Variants in APBA1 observed in about 807,000 individuals in gnomAD.
The protein encoded by APBA1 is amyloid beta precursor protein binding family A member 1.
Under a neutral mutation model 86.6 loss-of-function variants are expected in APBA1, and 55 were observed. That is an observed-to-expected ratio of 0.64 (90% CI 0.51 to 0.80). The LOEUF is 0.80. Among genes scored for constraint, APBA1 ranks in the 30% least tolerant of loss-of-function variants. The probability of loss-of-function intolerance (pLI) is 0.00; values close to 1 mark genes in which losing one functional copy is unlikely to be tolerated. For missense variants in APBA1, 1,090 were observed against 1,183.0 expected (o/e 0.92, Z 1.15); for synonymous variants, 511 against 493.9 (o/e 1.03, Z -0.46).
Position 69,556,019 on chromosome 9 carries a change from G to GAA in APBA1, c.-69-38742_-69-38741dup, listed in dbSNP as rs1331436165. 2.8e-4 allele frequency among the ~76,000 whole-genome samples: 43 copies of GAA among 151,124 alleles called. 1 individual carries two copies. Among genetic ancestry groups the GAA allele is most frequent in the Non-Finnish European group, 7.4e-5 (5 of 67,708 alleles). On this transcript the variant is annotated intron_variant, in intron 1 of 12. Coordinates refer to ENST00000265381, the MANE Select transcript of APBA1 (RefSeq NM_001163.4). ...GAAGCAGTTAAGTGGCAACAACAAA[G>GAA]AAAAAAAACAAAAACCAAACCACTT...
Position 69,516,331 on chromosome 9 carries a change from G to A in APBA1, c.880C>T (p.Pro294Ser). ...QSLDKAAEDM[P>S]EAEQDLERPP... is the part of the protein sequence containing the mutation. Reference sequence around the variant, plus strand: ...CGCTCCAGGTCCTGCTCGGCCTCAGGCATGTCCTCGGCTGCCTTGTCGAGG... The same window carrying A: ...CGCTCCAGGTCCTGCTCGGCCTCAGACATGTCCTCGGCTGCCTTGTCGAGG... Residue 294 changes from proline to serine, a missense_variant, in exon 2 of 13, where the codon CCT becomes TCT. Physicochemically the swap from Pro to Ser is moderately conservative, Grantham distance 74. Transcript: ENST00000265381. The surrounding 1 kb of genome is among the most constrained non-coding windows in gnomAD (Gnocchi z 7.3). 3 of 1,593,754 alleles carry A rather than the reference G, an allele frequency of 1.9e-6. No individual in the cohort carries two copies. The highest frequency in any genetic ancestry group is 1.7e-6 in the Non-Finnish European group (2 of 1,176,088).
chr9:69,464,553 T>A (rs1835245368), intron 5 of APBA1: 1 of 152,202 alleles, frequency 6.6e-6, no homozygotes, highest in Admixed American at 6.5e-5. Flanking sequence ...GCCATCTAAT[T>A]TTTGATTCAA....
At chr9:69,648,204 G>T (rs531519609) in intron 1 of APBA1, among the ~76,000 whole-genome samples, 1 of 152,224 alleles carries the variant, frequency 6.6e-6, no homozygotes, top group African/African-American at 2.4e-5. Context: ...ACCAAGAGCA[G>T]TGTCCTTGGG....
chr9:69,589,595 G>C (rs1378050542), intron 1 of APBA1, among the ~76,000 whole-genome samples: 2 of 152,130 alleles, frequency 1.3e-5, no homozygotes, highest in Non-Finnish European at 2.9e-5. Context: ...ATCTCATTTA[G>C]CCCATGGTTT....
At position 69,476,041 on chromosome 9, in the gene APBA1, A is replaced by G. The variant is rs1490824466; in HGVS notation, c.1296+7T>C. 6.2e-7 allele frequency: 1 copy of G among 1,612,490 alleles called. No homozygotes were observed. Among genetic ancestry groups the G allele is most frequent in the Non-Finnish European group, 8.5e-7 (1 of 1,178,612 alleles). On this transcript the variant is annotated splice_region_variant and intron_variant, in intron 3 of 12. Transcript: ENST00000265381. ...CCAATGGCTTTGGTAACAAAACAGC[A>G]CCCTACCTCTTTATTAGTGGACGCT...
intron 1 of APBA1, among the ~76,000 whole-genome samples, chr9:69,665,184 G>T (rs1212237567): frequency 6.6e-6 from 1 of 152,180 alleles, no homozygotes; most frequent in Non-Finnish European, 1.5e-5. Flanking sequence ...TTTCTCCACT[G>T]CTTGGTGGAC....
chr9:69,603,943 T>G (rs1822406740), intron 1 of APBA1, among the ~76,000 whole-genome samples: 1 of 152,210 alleles, frequency 6.6e-6, no homozygotes, highest in Non-Finnish European at 1.5e-5. Context: ...GATCAGATAC[T>G]GCAATATTAC....
intron 1 of APBA1, among the ~76,000 whole-genome samples, chr9:69,651,472 G>A (rs1823499490): frequency 6.6e-6 from 1 of 152,002 alleles, no homozygotes; most frequent in African/African-American, 2.4e-5. Context: ...AATAATGACT[G>A]ACTGTATTTT....
intron 1 of APBA1, among the ~76,000 whole-genome samples, chr9:69,540,964 T>A (rs558093659): frequency 6.6e-6 from 1 of 152,370 alleles, no homozygotes; most frequent in Non-Finnish European, 1.5e-5. Context: ...TTTCTGTGAC[T>A]AGCTTATTTC....
At chr9:69,575,901 A>T (rs1449777625) in intron 1 of APBA1, among the ~76,000 whole-genome samples, 1 of 152,362 alleles carries the variant, frequency 6.6e-6, no homozygotes, top group African/African-American at 2.4e-5. Context: ...AAAAGAAATT[A>T]CCATCAGAGT....
chr9:69,558,684 G>A lies in APBA1; in HGVS notation c.-69-41405C>T, dbSNP rs978340969. 1.1e-4 allele frequency among the ~76,000 whole-genome samples: 16 copies of A among 151,550 alleles called. No individual in the cohort carries two copies. The South Asian group carries it at 1.3e-3, about 12-fold the overall frequency. ...AGGGGCTCGTTGTACAGATTATTTC[G>A]TCACCCAGATGTTATGCCTAGTACC... is the stretch of plus-strand genomic sequence containing the variant. On this transcript the variant is annotated intron_variant, in intron 1 of 12. Coordinates refer to ENST00000265381, the MANE Select transcript of APBA1 (RefSeq NM_001163.4).
intron 1 of APBA1, among the ~76,000 whole-genome samples, chr9:69,596,396 G>T (rs1299342036): frequency 6.6e-6 from 1 of 152,090 alleles, no homozygotes; most frequent in Non-Finnish European, 1.5e-5. Context: ...ATTTATCTGT[G>T]TATTCATTAT....
chr9:69,516,695 G>C lies in APBA1; in HGVS notation c.516C>G (p.His172Gln), dbSNP rs765672535. The C allele has an allele frequency of 6.2e-7, 1 of 1,610,880 alleles. No homozygotes were observed. The highest frequency in any genetic ancestry group is 8.5e-7 in the Non-Finnish European group (1 of 1,179,120). The change falls in exon 2 of 13, where the codon CAC becomes CAG. Residue 172 changes from histidine to glutamine, a missense_variant. His to Gln is a conservative substitution (Grantham distance 24). Around this residue, in one of 6 missense-constraint regions of APBA1, gnomAD observed 678 missense variants for 647.1 expected, o/e 1.05. Coordinates refer to ENST00000265381, the MANE Select transcript of APBA1 (RefSeq NM_001163.4). The surrounding 1 kb of genome is among the most constrained non-coding windows in gnomAD (Gnocchi z 7.3). ...CGTCCTCACCGCGGTGGAAGAGCCG[G>C]TGCGTGTAGACGTAGCCTGAGTAGG... Reference protein sequence around the residue: ...NAAYSGYVYTHRLFHRGEDEP... With the variant: ...NAAYSGYVYTQRLFHRGEDEP...
At chr9:69,524,801 A>G (rs1030551340) in intron 1 of APBA1, among the ~76,000 whole-genome samples, 27 of 152,172 alleles carry the variant, frequency 1.8e-4, no homozygotes, top group African/African-American at 6.3e-4. Context: ...CTAGAGACCA[A>G]TATCCTTGAC....
chr9:69,617,209 T>G (rs1822718005), intron 1 of APBA1, among the ~76,000 whole-genome samples: 1 of 152,102 alleles, frequency 6.6e-6, no homozygotes, highest in South Asian at 2.1e-4. Flanking sequence ...TTCCTTCACT[T>G]CCCTGAATAT....
chr9:69,634,192 C>T (rs989203639), intron 1 of APBA1, among the ~76,000 whole-genome samples: 6 of 152,160 alleles, frequency 3.9e-5, no homozygotes, highest in African/African-American at 4.8e-5. Context: ...CCCCTGGCAA[C>T]GACCATGTGG....
At chr9:69,451,459 T>C (rs1835007360) in intron 9 of APBA1, among the ~76,000 whole-genome samples, 1 of 152,246 alleles carries the variant, frequency 6.6e-6, no homozygotes, top group East Asian at 1.9e-4. Context: ...CCTCCAGTTC[T>C]GACCCAGATC....
intron 1 of APBA1, among the ~76,000 whole-genome samples, chr9:69,595,072 G>C (rs188971941): frequency 1.3e-4 from 20 of 152,142 alleles, no homozygotes; most frequent in African/African-American, 4.3e-4. Context: ...ACAAAATACA[G>C]GTTCTACATA....
At position 69,530,318 on chromosome 9, in the gene APBA1, A is replaced by G. The variant is rs1257178165; in HGVS notation, c.-69-13039T>C. Among the ~76,000 whole-genome samples the G allele has an allele frequency of 2.2e-4, 31 of 140,994 alleles. 1 individual carries two copies. Among genetic ancestry groups the G allele is most frequent in the South Asian group, 9.0e-4 (4 of 4,440 alleles). 92.5% of individuals were successfully genotyped at this position (140,994 alleles called of 152,430 possible). A position where few individuals can be genotyped will look rare whatever the true frequency, so the allele number is the denominator to read the frequency against. ...AAGTTGTGTGTGTGTATATATATAT[A>G]TATATATATATACACACACACACAC... On this transcript the variant is annotated intron_variant, in intron 1 of 12. Coordinates refer to ENST00000265381, the MANE Select transcript of APBA1 (RefSeq NM_001163.4).
Sources: gnomAD v4.1 joint callset for allele counts (sites outside exome capture counted in the v4.1 genomes callset) on GRCh38, gnomAD v4.1.1 for gene constraint, gnomAD v4.1.1 regional missense constraint, Gnocchi (gnomAD v3.1) non-coding constraint, MANE v1.5 for transcripts, NCBI Gene and HGNC (gene_info 2026-07-23, HGNC 2026-07-21) for gene names.